SLCO2A1: variants seen among roughly 807,000 people sequenced by gnomAD.
SLCO2A1 encodes the protein solute carrier organic anion transporter family member 2A1.
SLCO2A1 carries 60 observed loss-of-function variants against 71.7 expected under a neutral mutation model. The ratio of observed to expected loss-of-function variants is 0.84; its 90% CI spans 0.68 to 1.04. The LOEUF is 1.04. Among genes scored for constraint, SLCO2A1 ranks in the 50% least tolerant of loss-of-function variants. SLCO2A1 has a pLI of 0.00. For missense variants in SLCO2A1, 745 were observed against 813.4 expected, an observed-to-expected ratio of 0.92 and a Z score of 1.02; for synonymous variants, 308 against 326.7, an observed-to-expected ratio of 0.94 and a Z score of 0.62.
intron 2 of SLCO2A1, among the ~76,000 whole-genome samples, chr3:133,976,737 C>T (rs1227631870): frequency 1.3e-5 from 2 of 152,118 alleles, no homozygotes; most frequent in African/African-American, 4.8e-5. Flanking sequence ...CATGACATGC[C>T]CCTGCCCTTC....
At chr3:133,994,551 CA>C (rs1934921747) in intron 1 of SLCO2A1, among the ~76,000 whole-genome samples, 1 of 152,198 alleles carries the variant, frequency 6.6e-6, no homozygotes, top group African/African-American at 2.4e-5. Flanking sequence ...ATCCTTGTGG[CA>C]GCCCTCTTCC....
At chr3:134,027,326 CCT>C (rs1935717481) in intron 1 of SLCO2A1, among the ~76,000 whole-genome samples, 1 of 152,192 alleles carries the variant, frequency 6.6e-6, no homozygotes, top group South Asian at 2.1e-4. Context: ...AAGATCGACC[CCT>C]GACCTAATCG....
At chr3:133,973,234 T>C (rs1178933441) in intron 3 of SLCO2A1, among the ~76,000 whole-genome samples, 1 of 152,222 alleles carries the variant, frequency 6.6e-6, no homozygotes, top group Non-Finnish European at 1.5e-5. Context: ...AAACTCAACA[T>C]AGTAAACATG....
At chr3:134,015,256 C>CT (rs994985154) in intron 1 of SLCO2A1, among the ~76,000 whole-genome samples, 48 of 152,246 alleles carry the variant, frequency 3.2e-4, no homozygotes, top group African/African-American at 1.1e-3. Context: ...ATTATTCAGC[C>CT]TTTTAAAAGG....
At chr3:134,005,379 G>A (rs1352140160) in intron 1 of SLCO2A1, among the ~76,000 whole-genome samples, 1 of 151,136 alleles carries the variant, frequency 6.6e-6, no homozygotes, top group Non-Finnish European at 1.5e-5. Context: ...TGTTTTAGAT[G>A]TCTCTTTTAA....
intron 5 of SLCO2A1, among the ~76,000 whole-genome samples, chr3:133,952,011 A>G (rs369149556): frequency 4.7e-4 from 71 of 152,336 alleles, no homozygotes; most frequent in African/African-American, 1.6e-3. Context: ...GCACACGTGT[A>G]AAAGTCTGCC....
chr3:133,986,583 T>C (rs535354406), intron 1 of SLCO2A1, among the ~76,000 whole-genome samples: 1 of 152,238 alleles, frequency 6.6e-6, no homozygotes, highest in African/African-American at 2.4e-5. Context: ...CATTCTCCAA[T>C]CCTAACAAAC....
intron 6 of SLCO2A1, chr3:133,949,358 T>C (rs981393329): frequency 4.1e-6 from 1 of 246,272 alleles, no homozygotes; most frequent in African/African-American, 2.2e-5. Flanking sequence ...TGGGACACTC[T>C]GGTCTAGAAT....
At chr3:134,013,862 C>A (rs1576459998) in intron 1 of SLCO2A1, among the ~76,000 whole-genome samples, 1 of 152,092 alleles carries the variant, frequency 6.6e-6, no homozygotes, top group Non-Finnish European at 1.5e-5. Flanking sequence ...AAATGTAATA[C>A]TCAGGAGTCA....
At chr3:133,949,076 GT>G in intron 6 of SLCO2A1, 105 bp from the exon 7 acceptor site, 2 of 936,870 alleles carry the variant, frequency 2.1e-6, no homozygotes, top group African/African-American at 1.6e-5. Flanking sequence ...CTGGGTGGAG[GT>G]GAGCCCCCTC....
At chr3:133,976,203 G>A (rs1015964334) in intron 2 of SLCO2A1, among the ~76,000 whole-genome samples, 8 of 152,384 alleles carry the variant, frequency 5.2e-5, no homozygotes, top group African/African-American at 1.9e-4. Flanking sequence ...TGTGTGAGAG[G>A]CAGCTCCTGC....
At chr3:133,973,872 C>T (rs1289382941) in intron 2 of SLCO2A1, 47 bp from the exon 3 acceptor site, 6 of 1,557,604 alleles carry the variant, frequency 3.9e-6, no homozygotes, top group East Asian at 2.3e-5. Flanking sequence ...GCCCTGTCCT[C>T]ACCCACCCAC....
At chr3:134,017,682 C>A (rs1015576253) in intron 1 of SLCO2A1, among the ~76,000 whole-genome samples, 2 of 152,194 alleles carry the variant, frequency 1.3e-5, no homozygotes, top group Non-Finnish European at 2.9e-5. Flanking sequence ...CCAGCGCCGC[C>A]ACAGGCAGAA....
chr3:133,948,738 C>T lies in SLCO2A1; in HGVS notation c.941-38G>A, dbSNP rs185759344. ...CGCTGTCAAGGCTCTGGCAGAACCC[C>T]TGGGCTGCAGGCACACCTAGGGGAT... On this transcript the variant is annotated intron_variant, in intron 7 of 13. Transcript: ENST00000310926. 1.1e-4 allele frequency: 184 copies of T among 1,606,538 alleles called. 2 individuals are homozygous for T. In the South Asian group the frequency reaches 1.7e-3, roughly 15 times the overall value.
intron 1 of SLCO2A1, among the ~76,000 whole-genome samples, chr3:133,984,623 C>T (rs1934668668): frequency 1.3e-5 from 2 of 152,142 alleles, no homozygotes; most frequent in African/African-American, 2.4e-5. Flanking sequence ...CCTATATGGC[C>T]AGCATGTGAC....
At chr3:134,008,936 T>C (rs1237584894) in intron 1 of SLCO2A1, among the ~76,000 whole-genome samples, 1 of 152,246 alleles carries the variant, frequency 6.6e-6, no homozygotes, top group Admixed American at 6.5e-5. Context: ...GGAACAGTGA[T>C]GGCACTGCAG....
At chr3:134,027,693 A>T (rs73864034) in intron 1 of SLCO2A1, among the ~76,000 whole-genome samples, 9,558 of 152,224 alleles carry the variant, frequency 0.063, 721 homozygotes, top group African/African-American at 0.17. Flanking sequence ...CCCCCACTGC[A>T]AAGTGGCAGG....
chr3:134,011,104 G>A (rs544835986), intron 1 of SLCO2A1, among the ~76,000 whole-genome samples: 2 of 152,272 alleles, frequency 1.3e-5, no homozygotes, highest in South Asian at 4.1e-4. Context: ...AGGCTGGAGT[G>A]CAATGGCGCG....
chr3:134,011,291 C>T (rs749517528), intron 1 of SLCO2A1, among the ~76,000 whole-genome samples: 5 of 152,146 alleles, frequency 3.3e-5, no homozygotes, highest in Admixed American at 1.3e-4. Flanking sequence ...CCTTGTGATC[C>T]GCCCACCTTG....
Sources: allele counts gnomAD v4.1 joint callset (sites outside exome capture counted in the v4.1 genomes callset), GRCh38; gene constraint gnomAD v4.1.1; transcripts MANE v1.5; gene names NCBI Gene and HGNC (gene_info 2026-07-23, HGNC 2026-07-21).